The following MAPK10 variants were observed in gnomAD, a reference collection of about 807,000 sequenced individuals.
MAPK10 encodes JNK3 alpha protein kinase.
Under a neutral mutation model 59.3 loss-of-function variants are expected in MAPK10, and 25 were observed. That is an observed-to-expected ratio of 0.42 (90% CI 0.31 to 0.59). MAPK10 has a LOEUF of 0.59. Among genes scored for constraint, MAPK10 ranks in the 20% least tolerant of loss-of-function variants. The pLI is 0.15. For missense variants in MAPK10, 351 were observed against 568.9 expected, an observed-to-expected ratio of 0.62 and a Z score of 3.90; for synonymous variants, 190 against 200.5, an observed-to-expected ratio of 0.95 and a Z score of 0.44.
chr4:86,201,217 T>C (rs1446427147), intron 2 of MAPK10, among the ~76,000 whole-genome samples: 1 of 151,958 alleles, frequency 6.6e-6, no homozygotes, highest in Non-Finnish European at 1.5e-5. Context: ...ATTGTGTATA[T>C]GTATGTACCA....
chr4:86,124,764 T>A (rs1012673216), intron 4 of MAPK10: 6 of 152,058 alleles, frequency 3.9e-5, no homozygotes, highest in African/African-American at 1.4e-4. Context: ...CTGAATTGTA[T>A]GATCTATTTA....
At chr4:86,067,359 G>T (rs1179782630) in intron 10 of MAPK10, among the ~76,000 whole-genome samples, 1 of 152,008 alleles carries the variant, frequency 6.6e-6, no homozygotes. Flanking sequence ...GGCCAGGATG[G>T]TCTGTCTCGA....
chr4:86,136,474 C>T (rs918458395), intron 4 of MAPK10, among the ~76,000 whole-genome samples: 1 of 150,298 alleles, frequency 6.7e-6, no homozygotes, highest in Admixed American at 6.6e-5. Context: ...ACTTTACAGA[C>T]AAGCAAATGC....
intron 1 of MAPK10, among the ~76,000 whole-genome samples, chr4:86,490,906 C>T (rs1754406271): frequency 6.6e-6 from 1 of 152,214 alleles, no homozygotes; most frequent in South Asian, 2.1e-4. Context: ...CTAAACCTTA[C>T]ATACTACTAT....
intron 1 of MAPK10, among the ~76,000 whole-genome samples, chr4:86,359,253 T>G (rs1353007357): frequency 7.1e-6 from 1 of 140,646 alleles, no homozygotes; most frequent in Non-Finnish European, 1.5e-5. Context: ...CTGTTTGGTG[T>G]TTTTTTTTTC....
chr4:86,411,602 A>G (rs1163153184), intron 1 of MAPK10, among the ~76,000 whole-genome samples: 2 of 152,210 alleles, frequency 1.3e-5, no homozygotes, highest in East Asian at 1.9e-4. Context: ...GTGCATATAT[A>G]TTTAGGATAG....
chr4:86,541,951 ACAC>A (rs1758730997), intron 1 of MAPK10, among the ~76,000 whole-genome samples: 11 of 53,588 alleles, frequency 2.1e-4, no homozygotes, highest in African/African-American at 6.8e-4. Flanking sequence ...ACACCGGCAC[ACAC>A]ACACACACAC....
intron 1 of MAPK10, among the ~76,000 whole-genome samples, chr4:86,522,601 G>A (rs998321870): frequency 6.6e-6 from 1 of 151,944 alleles, no homozygotes; most frequent in African/African-American, 2.4e-5. Flanking sequence ...TTGTATTCTT[G>A]GTAGAGGCTG....
chr4:86,398,291 A>T (rs1409596076), intron 1 of MAPK10, among the ~76,000 whole-genome samples: 2 of 152,218 alleles, frequency 1.3e-5, no homozygotes, highest in Non-Finnish European at 2.9e-5. Flanking sequence ...ATTATCACTA[A>T]GTATTTATTT....
At chr4:86,311,159 C>T (rs150039778) in intron 2 of MAPK10, among the ~76,000 whole-genome samples, 2 of 152,016 alleles carry the variant, frequency 1.3e-5, no homozygotes, top group Admixed American at 6.6e-5. Flanking sequence ...AAATGTAACA[C>T]ATATTGCTTG....
chr4:86,163,986 T>C (rs1562522576), intron 3 of MAPK10, among the ~76,000 whole-genome samples: 1 of 152,168 alleles, frequency 6.6e-6, no homozygotes, highest in South Asian at 2.1e-4. Flanking sequence ...TGCACTTTAA[T>C]AGCCTATATT....
chr4:86,451,445 T>C (rs1750708453), intron 1 of MAPK10, among the ~76,000 whole-genome samples: 1 of 152,244 alleles, frequency 6.6e-6, no homozygotes, highest in Admixed American at 6.5e-5. Flanking sequence ...CCAATATTTA[T>C]ATGACATATT....
intron 1 of MAPK10, among the ~76,000 whole-genome samples, chr4:86,563,854 CG>C (rs2149105418): frequency 6.6e-6 from 1 of 152,094 alleles, no homozygotes; most frequent in East Asian, 1.9e-4. Context: ...TTTTTTGAGA[CG>C]GAGTCTCATT....
At chr4:86,150,797 G>A (rs1026159886) in intron 4 of MAPK10, among the ~76,000 whole-genome samples, 3 of 152,194 alleles carry the variant, frequency 2.0e-5, no homozygotes, top group African/African-American at 7.2e-5. Context: ...GGGAGGTGGA[G>A]CTTGCAGTGA....
At chr4:86,141,148 G>A (rs973339874) in intron 4 of MAPK10, among the ~76,000 whole-genome samples, 3 of 152,122 alleles carry the variant, frequency 2.0e-5, no homozygotes, top group African/African-American at 7.2e-5. Context: ...CTTGTACCAT[G>A]TTCTAAAGAG....
chr4:86,040,711 T>C (rs1453041039), intron 11 of MAPK10, among the ~76,000 whole-genome samples: 1 of 151,714 alleles, frequency 6.6e-6, no homozygotes, highest in East Asian at 1.9e-4. Context: ...AAAGAAAGGA[T>C]CCTAAAGGCA....
At chr4:86,190,677 T>C (rs2079488025) in intron 3 of MAPK10, among the ~76,000 whole-genome samples, 1 of 149,208 alleles carries the variant, frequency 6.7e-6, no homozygotes, top group Non-Finnish European at 1.5e-5. Flanking sequence ...TCTATTTTGT[T>C]AACCTTTTCA....
chr4:86,475,002 G>T (rs1256775182), intron 1 of MAPK10, among the ~76,000 whole-genome samples: 2 of 152,040 alleles, frequency 1.3e-5, no homozygotes, highest in African/African-American at 4.8e-5. Flanking sequence ...GGCTCAAAAA[G>T]CTCCCCGACT....
At chr4:86,063,585 C>T (rs2046146605) in intron 11 of MAPK10, among the ~76,000 whole-genome samples, 1 of 151,952 alleles carries the variant, frequency 6.6e-6, no homozygotes. Flanking sequence ...AGCCCTGGAT[C>T]CATACAGAGG....
Sources: allele counts gnomAD v4.1 joint callset (sites outside exome capture counted in the v4.1 genomes callset), GRCh38; gene constraint gnomAD v4.1.1; transcripts MANE v1.5; gene names NCBI Gene and HGNC (gene_info 2026-07-23, HGNC 2026-07-21).